PLCH2: variants seen among roughly 807,000 people sequenced by gnomAD.
PLCH2 encodes the protein 1-phosphatidylinositol 4,5-bisphosphate phosphodiesterase eta-2.
PLCH2 carries 98 observed loss-of-function variants against 134.7 expected under a neutral mutation model. The ratio of observed to expected loss-of-function variants is 0.73; its 90% CI spans 0.62 to 0.86. The LOEUF (loss-of-function observed/expected upper bound fraction) is 0.86. PLCH2 is among the 40% of genes least tolerant of loss of function. The probability of loss-of-function intolerance (pLI) is 0.00; values close to 1 mark genes in which losing one functional copy is unlikely to be tolerated. For synonymous variants in PLCH2, 974 were observed against 827.5 expected (o/e 1.18, Z -3.04); for missense variants, 1,994 against 1,986.6 (o/e 1.00, Z -0.07).
intron 2 of PLCH2, 53 bp downstream of exon 2, chr1:2,478,675 C>A: frequency 6.6e-7 from 1 of 1,525,756 alleles, no homozygotes; most frequent in Non-Finnish European, 8.9e-7. Flanking sequence ...GGGGACACGA[C>A]GGTAGGGACC....
chr1:2,424,671 C>T (rs12561849), upstream of PLCH2, among the ~76,000 whole-genome samples: 1 of 151,828 alleles, frequency 6.6e-6, no homozygotes, highest in Admixed American at 6.6e-5. Context: ...GCCAACATGG[C>T]AAAACCCCAT....
chr1:2,491,154 G>C (rs201507384), intron 10 of PLCH2, 38 bp from the exon 11 acceptor site: 2 of 1,594,720 alleles, frequency 1.3e-6, no homozygotes, highest in Non-Finnish European at 1.7e-6. Context: ...CGCAGGGCTC[G>C]GGACAGATGC....
Position 2,486,951 on chromosome 1 carries a change from G to C in PLCH2, c.861G>C (p.Gln287His). ...AGAGCTGCCAGGACATCATCGAGCA[G>C]TTTGAGCCATGCCCAGAAAACAAGA... ...TLESCQDIIEQFEPCPENKSK... is the reference protein window; with the variant it reads ...TLESCQDIIEHFEPCPENKSK... The change falls in exon 6 of 22, where the codon CAG becomes CAC. Residue 287 changes from glutamine to histidine, a missense_variant. Coordinates refer to ENST00000378486, the MANE Select transcript of PLCH2 (RefSeq NM_014638.4). 1 of 1,608,898 alleles carries C rather than the reference G, an allele frequency of 6.2e-7. No homozygotes were observed. Among genetic ancestry groups the C allele is most frequent in the East Asian group, 2.2e-5 (1 of 44,722 alleles).
Position 2,478,479 on chromosome 1 carries a change from A to G in PLCH2, c.128A>G (p.Glu43Gly). ...SSEWQLGPLVERCMGAMQEGM... is the reference protein window; with the variant it reads ...SSEWQLGPLVGRCMGAMQEGM... The stretch of plus-strand genomic sequence containing the variant: ...GCCGTGTCTCTCCCGTGTCCAGTGG[A>G]GCGGTGCATGGGTGCCATGCAAGAG... Residue 43 changes from glutamate to glycine, a missense_variant, in exon 2 of 22, where the codon GAG (glutamate) becomes GGG (glycine). This residue lies in a region of PLCH2 where 1,094 missense variants were observed against 1,234.3 expected (regional missense o/e 0.89). Coordinates refer to ENST00000378486, the MANE Select transcript of PLCH2 (RefSeq NM_014638.4). 1 of 1,612,486 alleles carries G rather than the reference A, an allele frequency of 6.2e-7. No individual in the cohort carries two copies. Among genetic ancestry groups the G allele is most frequent in the Non-Finnish European group, 8.5e-7 (1 of 1,179,708 alleles).
At chr1:2,425,264 C>G (rs566112097), upstream of PLCH2, among the ~76,000 whole-genome samples, 1 of 143,440 alleles carries the variant, frequency 7.0e-6, no homozygotes, top group Non-Finnish European at 1.5e-5. Flanking sequence ...CATACATACA[C>G]ACATATACAC....
In PLCH2 at chr1:2,431,191, C is replaced by G. The variant is rs530105164; in HGVS notation, c.115+562C>G. Among the ~76,000 whole-genome samples, 19 of 151,990 alleles carry G rather than the reference C, an allele frequency of 1.3e-4. No individual in the cohort carries two copies. The East Asian group carries it at 3.7e-3, about 29-fold the overall frequency. ...ACCGCTATCTGCCGCTTCTGCTCCCCCTGGGGGCCCCTGCTGCTCTCTGGG... is the reference window on the plus strand; with the variant it reads ...ACCGCTATCTGCCGCTTCTGCTCCCGCTGGGGGCCCCTGCTGCTCTCTGGG... On this transcript the variant is annotated intron_variant, in intron 2 of 3. Transcript: ENST00000609981.
At position 2,505,001 on chromosome 1, in the gene PLCH2, C is replaced by T. The variant is rs755753283; in HGVS notation, c.4039C>T (p.Arg1347Cys). The T allele has an allele frequency of 7.2e-5, 112 of 1,545,622 alleles. 1 individual carries two copies. Among genetic ancestry groups the T allele is most frequent in the Middle Eastern group, 3.7e-4 (2 of 5,450 alleles). ...CTCCTCCCGCAGCCACAGCCGCGTG[C>T]GTGCCATTGCCAGCCGGGCCCGCCA... ...RSSSRSHSRVRAIASRARQAQ... is the reference protein window; with the variant it reads ...RSSSRSHSRVCAIASRARQAQ... The change falls in exon 22 of 22, where the codon CGT becomes TGT. Residue 1347 changes from arginine to cysteine, a missense_variant. Arg to Cys is a radical substitution (Grantham distance 180). This residue lies in a region of PLCH2 where 900 missense variants were observed against 752.3 expected (regional missense o/e 1.20). Transcript: ENST00000378486.
chr1:2,497,408 T>G, intron 15 of PLCH2, 94 bp from the exon 16 acceptor site: 1 of 796,212 alleles, frequency 1.3e-6, no homozygotes, highest in Non-Finnish European at 2.1e-6. Flanking sequence ...ACGCGGCAGC[T>G]GTGCAGGGGA....
intron 16 of PLCH2, 165 bp downstream of exon 16, chr1:2,497,774 G>C: frequency 1.8e-6 from 1 of 559,726 alleles, no homozygotes; most frequent in Non-Finnish European, 3.2e-6. Context: ...AGGATGCTGG[G>C]GAGGTGGGTG....
chr1:2,475,715 C>T (rs544316855), upstream of PLCH2, among the ~76,000 whole-genome samples: 7 of 152,302 alleles, frequency 4.6e-5, no homozygotes, highest in East Asian at 3.9e-4. Flanking sequence ...GCTCGGTGAC[C>T]GTGGAGAAAG....
rs747851417 is a variant in PLCH2 at position 2,502,303 on chromosome 1, A to G, written c.2853A>G (p.Thr951=). Residue 951 remains threonine (T), a synonymous_variant, in exon 21 of 22, where the codon ACA becomes ACG. Coordinates refer to ENST00000378486, the MANE Select transcript of PLCH2 (RefSeq NM_014638.4). The part of the protein sequence containing the change: ...RRGFPELVLG[T]RDTGSKGVAD... The stretch of plus-strand genomic sequence containing the variant: ...GCTTCCCGGAGCTGGTCCTGGGTAC[A>G]CGGGACACAGGCTCCAAGGGGGTGG... 3.1e-5 allele frequency: 48 copies of G among 1,536,428 alleles called. No homozygotes were observed. In the South Asian group the frequency reaches 5.4e-4, roughly 17 times the overall value.
intron 2 of PLCH2, among the ~76,000 whole-genome samples, chr1:2,442,072 CT>C (rs1193214594): frequency 1.3e-5 from 2 of 152,296 alleles, no homozygotes; most frequent in African/African-American, 4.8e-5. Flanking sequence ...GGAGCTGGCC[CT>C]GCAGGCGGCA....
At chr1:2,419,128 C>T in the PLCH2 span, among the ~76,000 whole-genome samples, 1 of 152,308 alleles carries the variant, frequency 6.6e-6, no homozygotes, top group South Asian at 2.1e-4. Context: ...GCTCCTTGCC[C>T]TTCCCTGCGT....
chr1:2,458,858 G>A (rs1004967018), intron 2 of PLCH2, among the ~76,000 whole-genome samples: 1 of 152,244 alleles, frequency 6.6e-6, no homozygotes, highest in Non-Finnish European at 1.5e-5. Context: ...ATGCAACCAT[G>A]GTAAAAAGTG....
intron 10 of PLCH2, among the ~76,000 whole-genome samples, chr1:2,490,552 G>C (rs958448651): frequency 2.6e-5 from 4 of 152,346 alleles, no homozygotes; most frequent in Admixed American, 1.3e-4. Context: ...GTTGCTTCCA[G>C]AGGGGCCATG....
upstream of PLCH2, among the ~76,000 whole-genome samples, chr1:2,475,687 G>A (rs143477268): frequency 1.4e-3 from 212 of 152,340 alleles, 1 homozygote; most frequent in East Asian, 1.5e-3. Context: ...TGGGCATGGG[G>A]CCACCTCCTC....
At chr1:2,476,968 G>A (rs1242035790) in intron 1 of PLCH2, among the ~76,000 whole-genome samples, 4 of 152,220 alleles carry the variant, frequency 2.6e-5, no homozygotes, top group Admixed American at 1.3e-4. Flanking sequence ...TGAACCCAAG[G>A]GGGCGAGGGG....
intron 2 of PLCH2, among the ~76,000 whole-genome samples, chr1:2,452,023 G>A (rs1423387556): frequency 2.6e-5 from 4 of 152,210 alleles, no homozygotes; most frequent in African/African-American, 9.7e-5. Context: ...AGGAGGCTGA[G>A]CAGAGACTTC....
intron 5 of PLCH2, 29 bp downstream of exon 5, chr1:2,484,647 G>A (rs769474394): frequency 1.7e-5 from 27 of 1,604,424 alleles, no homozygotes; most frequent in Non-Finnish European, 1.9e-5. Flanking sequence ...GTGTTGGGGG[G>A]CCAGCCATCA....
Sources: gnomAD v4.1 joint callset for allele counts (sites outside exome capture counted in the v4.1 genomes callset) on GRCh38, gnomAD v4.1.1 for gene constraint, gnomAD v4.1.1 regional missense constraint, MANE v1.5 for transcripts, NCBI Gene and HGNC (gene_info 2026-07-23, HGNC 2026-07-21) for gene names.